Variants in ZNF3 observed in about 807,000 individuals in gnomAD.
ZNF3 encodes C2-H2 type zinc finger protein.
ZNF3 carries 16 observed loss-of-function variants against 36.9 expected under a neutral mutation model. The observed-to-expected ratio is 0.43, with a 90% CI of 0.29 to 0.66. The LOEUF is 0.66. Ranked by LOEUF, ZNF3 falls within the 30% of genes least tolerant of loss-of-function variation. The probability of loss-of-function intolerance (pLI) is 0.13; values close to 1 mark genes in which losing one functional copy is unlikely to be tolerated. For missense variants in ZNF3, 462 were observed against 543.1 expected, an observed-to-expected ratio of 0.85 and a Z score of 1.48; for synonymous variants, 201 against 201.9, an observed-to-expected ratio of 1.00 and a Z score of 0.04.
chr7:100,068,695 GCT>G (rs920638542), downstream of ZNF3, among the ~76,000 whole-genome samples: 20 of 151,770 alleles, frequency 1.3e-4, no homozygotes, highest in African/African-American at 4.6e-4. Flanking sequence ...AGACTGTCTT[GCT>G]CTGTTATCGT....
chr7:100,075,469 G>A (rs1793934544), intron 4 of ZNF3, 73 bp downstream of exon 4: 1 of 1,570,044 alleles, frequency 6.4e-7, no homozygotes, highest in Non-Finnish European at 8.8e-7. Context: ...AGGAGATCAG[G>A]GTTTAAAGCT....
At chr7:100,079,159 C>T (rs1029009800) in intron 2 of ZNF3, 1 of 152,260 alleles carries the variant, frequency 6.6e-6, no homozygotes, top group African/African-American at 2.4e-5. Flanking sequence ...CAGAGCCAAC[C>T]ATCATATCCT....
chr7:100,064,575 C>T (rs1469294283), exon 6 of ZNF3: 2 of 1,614,112 alleles, frequency 1.2e-6, no homozygotes, highest in Admixed American at 1.7e-5. Context: ...CCAATCTTTC[C>T]AAACATCAGC....
At chr7:100,075,038 C>A in intron 5 of ZNF3, 97 bp downstream of exon 5, 1 of 1,461,172 alleles carries the variant, frequency 6.8e-7, no homozygotes, top group Admixed American at 2.3e-5. Context: ...AAAAAAAAAT[C>A]TGCTGAAACA....
intron 5 of ZNF3, among the ~76,000 whole-genome samples, chr7:100,072,514 A>G (rs1382431229): frequency 2.6e-5 from 4 of 152,232 alleles, no homozygotes; most frequent in Admixed American, 6.5e-5. Context: ...GGAAGGTCAT[A>G]TTGCTTAATG....
intron 2 of ZNF3, among the ~76,000 whole-genome samples, chr7:100,078,014 G>A (rs1311645388): frequency 6.6e-6 from 1 of 151,970 alleles, no homozygotes; most frequent in Non-Finnish European, 1.5e-5. Flanking sequence ...ACAGGTGTGA[G>A]CCACCATGCC....
chr7:100,064,346 G>T, exon 6 of ZNF3: 1 of 1,614,174 alleles, frequency 6.2e-7, no homozygotes, highest in South Asian at 1.1e-5. Context: ...ATCCACACTG[G>T]GGAGAAGCCT....
In ZNF3 at chr7:100,072,988, G is replaced by A. The variant is rs888982943; in HGVS notation, c.272-776C>T. On this transcript the variant is annotated intron_variant, in intron 5 of 5. Transcript: ENST00000299667. ...ATGTGTGTTAGGGACGGGAACGGCT[G>A]TTTCTCCTTCACCTGAAGAGGTACC... is the stretch of plus-strand genomic sequence containing the variant. Among the ~76,000 whole-genome samples, 7 of 152,210 alleles carry A rather than the reference G, an allele frequency of 4.6e-5. 1 individual carries two copies. The highest frequency in any genetic ancestry group is 1.0e-4 in the Non-Finnish European group (7 of 68,038).
At chr7:100,064,433 A>G in exon 6 of ZNF3, 1 of 1,614,080 alleles carries the variant, frequency 6.2e-7, no homozygotes, top group Non-Finnish European at 8.5e-7. Flanking sequence ...CACACCGGAG[A>G]GAAGCCATAT....
chr7:100,075,050 C>G, intron 5 of ZNF3, 85 bp downstream of exon 5: 5 of 1,496,424 alleles, frequency 3.3e-6, no homozygotes, highest in Non-Finnish European at 3.6e-6. Flanking sequence ...GCTGAAACAG[C>G]TCTTTTCAGT....
downstream of ZNF3, among the ~76,000 whole-genome samples, chr7:100,068,688 C>T (rs907304220): frequency 5.9e-5 from 9 of 151,832 alleles, no homozygotes; most frequent in Non-Finnish European, 1.2e-4. Flanking sequence ...ATTTTTGAGA[C>T]TGTCTTGCTC....
In ZNF3 at chr7:100,071,114, A is replaced by C. The variant is rs1793060541; in HGVS notation, c.*29T>G. On this transcript the variant is annotated 3_prime_UTR_variant, in exon 6 of 6. Coordinates refer to ENST00000299667, the MANE Select transcript of ZNF3 (RefSeq NM_032924.5). Reference sequence around the variant, plus strand: ...AGGCAAGAGCTCTTGAGACTCAGGGAAAGTGAGGAAAATGGGTGTGTGGCT... The same window carrying C: ...AGGCAAGAGCTCTTGAGACTCAGGGCAAGTGAGGAAAATGGGTGTGTGGCT... 1.9e-6 allele frequency: 3 copies of C among 1,548,122 alleles called. No homozygotes were observed. The highest frequency in any genetic ancestry group is 1.4e-5 in the African/African-American group (1 of 72,776).
In ZNF3 at chr7:100,070,012, T is replaced by G; in HGVS notation, c.*1131A>C. The G allele has an allele frequency of 1.0e-6, 1 of 985,912 alleles. No homozygotes were observed. The highest frequency in any genetic ancestry group is 1.2e-6 in the Non-Finnish European group (1 of 829,934). 61.1% of individuals were successfully genotyped at this position (985,912 alleles called of 1,614,324 possible). A position where few individuals can be genotyped will look rare whatever the true frequency, so the allele number is the denominator to read the frequency against. ...ATTCTGTTTAATAGTGCACTTCATTTATGCTACAGGATGAGCAGGGTTGGG... is the reference window on the plus strand; with the variant it reads ...ATTCTGTTTAATAGTGCACTTCATTGATGCTACAGGATGAGCAGGGTTGGG... On this transcript the variant is annotated 3_prime_UTR_variant, in exon 6 of 6. Transcript: ENST00000299667.
chr7:100,065,047 A>G (rs904240129), downstream of ZNF3: 2 of 1,103,964 alleles, frequency 1.8e-6, no homozygotes, highest in Non-Finnish European at 1.3e-6. Context: ...GTAATGCCTC[A>G]GGACTATTAT....
In ZNF3 at chr7:100,070,800, C is replaced by A; in HGVS notation, c.*343G>T. On this transcript the variant is annotated 3_prime_UTR_variant, in exon 6 of 6. Transcript: ENST00000299667. ...GCTGTCTGTGCTGACTACGCGGACT[C>A]CAACTAAAGGAATCCATCGAATTCT... 1 of 1,073,312 alleles carries A rather than the reference C, an allele frequency of 9.3e-7. No homozygotes were observed. The highest frequency in any genetic ancestry group is 1.1e-6 in the Non-Finnish European group (1 of 884,734). 66.5% of individuals were successfully genotyped at this position (1,073,312 alleles called of 1,614,324 possible).
intron 5 of ZNF3, among the ~76,000 whole-genome samples, chr7:100,073,220 A>G (rs1180171394): frequency 1.3e-5 from 2 of 152,220 alleles, no homozygotes; most frequent in South Asian, 2.1e-4. Flanking sequence ...AGGGAAATGT[A>G]CAGGAAGGTC....
exon 6 of ZNF3, chr7:100,064,048 G>T: frequency 6.2e-7 from 1 of 1,614,144 alleles, no homozygotes; most frequent in South Asian, 1.1e-5. Flanking sequence ...ATGTGGCAAA[G>T]CCTTTAGTAA....
Position 100,079,671 on chromosome 7 carries a change from G to A in ZNF3, c.-197-15C>T, listed in dbSNP as rs1459699985. The A allele has an allele frequency of 6.6e-6, 1 of 151,850 alleles. No individual in the cohort carries two copies. The allele number at this position is 151,850 out of a possible 1,614,324, so 9.4% of individuals were successfully genotyped here. A position where few individuals can be genotyped will look rare whatever the true frequency, so the allele number is the denominator to read the frequency against. On this transcript the variant is annotated splice_polypyrimidine_tract_variant and intron_variant, in intron 1 of 5. Transcript: ENST00000299667. ...TGATGCCAATGCTGTGTGATTAAGG[G>A]GAAAAAAAGGAATTTAAAATATTCA...
chr7:100,068,585 G>A (rs1363436353), downstream of ZNF3, among the ~76,000 whole-genome samples: 3 of 151,158 alleles, frequency 2.0e-5, no homozygotes, highest in Non-Finnish European at 4.4e-5. Context: ...AGGTTGCAGT[G>A]AGCCGAGATT....
Sources: allele counts gnomAD v4.1 joint callset (sites outside exome capture counted in the v4.1 genomes callset), GRCh38; gene constraint gnomAD v4.1.1; transcripts MANE v1.5; gene names NCBI Gene and HGNC (gene_info 2026-07-23, HGNC 2026-07-21).